Variants in SLC32A1 observed in about 807,000 individuals in gnomAD.
SLC32A1 encodes solute carrier family 32 member 1.
A neutral mutation model predicts 35.5 loss-of-function variants in SLC32A1; 8 were observed. That is an observed-to-expected ratio of 0.23 (90% CI 0.13 to 0.41). SLC32A1 has a LOEUF of 0.41. Among genes scored for constraint, SLC32A1 ranks in the 10% least tolerant of loss-of-function variants. The pLI, the probability that SLC32A1 is intolerant of heterozygous loss-of-function variation, is 1.00. For missense variants in SLC32A1, 493 were observed against 722.3 expected, an observed-to-expected ratio of 0.68 and a Z score of 3.64; for synonymous variants, 317 against 326.3, an observed-to-expected ratio of 0.97 and a Z score of 0.31.
chr20:38,725,677 A>G (rs180792415), intron 1 of SLC32A1, among the ~76,000 whole-genome samples: 9 of 152,170 alleles, frequency 5.9e-5, no homozygotes, highest in African/African-American at 1.7e-4. Context: ...ACTATCCCCA[A>G]ATGCACCTGC....
In SLC32A1 at chr20:38,725,060, C is replaced by A. The variant is rs772178528; in HGVS notation, c.336C>A (p.Asp112Glu). Residue 112 changes from aspartate to glutamate, a missense_variant, in exon 1 of 2, where the codon GAC becomes GAA. Transcript: ENST00000217420. ...VGGGGEFGGH[D>E]KPKITAWEAG... ...GTGGTGGCGAATTCGGGGGCCACGACAAGCCCAAAATCACGGCGTGGGAGG... is the reference window on the plus strand; with the variant it reads ...GTGGTGGCGAATTCGGGGGCCACGAAAAGCCCAAAATCACGGCGTGGGAGG... 1 of 1,524,404 alleles carries A rather than the reference C, an allele frequency of 6.6e-7. No individual in the cohort carries two copies. The highest frequency in any genetic ancestry group is 2.2e-5 in the Admixed American group (1 of 46,144). 94.4% of individuals were successfully genotyped at this position (1,524,404 alleles called of 1,614,324 possible).
rs2084277923 is a variant in SLC32A1, at chr20:38,726,814, T to C, written c.391-638T>C. ...AAGCGTCTTCACATTGTCTCTGTTC[T>C]TGCCTCCCAGGGGCTTTGCCCCACC... On this transcript the variant is annotated intron_variant, in intron 1 of 1. Coordinates refer to ENST00000217420, the MANE Select transcript of SLC32A1 (RefSeq NM_080552.3). The surrounding 1 kb of genome is among the most constrained non-coding windows in gnomAD (Gnocchi z 4.7). Among the ~76,000 whole-genome samples, 1 of 152,036 alleles carries C rather than the reference T, an allele frequency of 6.6e-6. No individual in the cohort carries two copies. The highest frequency in any genetic ancestry group is 2.1e-4 in the South Asian group (1 of 4,810).
rs747176135 is a variant in SLC32A1 at position 38,727,855 on chromosome 20, A to G, written c.794A>G (p.Lys265Arg). ...AFLKNLKAVS[K>R]FSLLCTLAHF... is the part of the protein sequence containing the mutation. ...CTTAAGAACCTCAAGGCCGTGTCCA[A>G]GTTCAGTCTGCTGTGCACTCTGGCC... Residue 265 changes from lysine (K) to arginine (R), a missense_variant, in exon 2 of 2, where the codon AAG (lysine) becomes AGG (arginine). Physicochemically the swap from Lys to Arg is conservative, Grantham distance 26. Around this residue, in one of 4 missense-constraint regions of SLC32A1, gnomAD observed 269 missense variants for 445.6 expected, o/e 0.60. Coordinates refer to ENST00000217420, the MANE Select transcript of SLC32A1 (RefSeq NM_080552.3). 10 of 1,614,200 alleles carry G rather than the reference A, an allele frequency of 6.2e-6. No individual in the cohort carries two copies. The highest frequency in any genetic ancestry group is 6.8e-6 in the Non-Finnish European group (8 of 1,180,044).
In SLC32A1 at chr20:38,725,069, A is replaced by G. The variant is rs1207232871; in HGVS notation, c.345A>G (p.Lys115=). The G allele has an allele frequency of 6.6e-7, 1 of 1,519,192 alleles. No homozygotes were observed. The highest frequency in any genetic ancestry group is 8.8e-7 in the Non-Finnish European group (1 of 1,135,178). 94.1% of individuals were successfully genotyped at this position (1,519,192 alleles called of 1,614,324 possible). A position where few individuals can be genotyped will look rare whatever the true frequency, so the allele number is the denominator to read the frequency against. ...AATTCGGGGGCCACGACAAGCCCAAAATCACGGCGTGGGAGGCAGGCTGGA... is the reference window on the plus strand; with the variant it reads ...AATTCGGGGGCCACGACAAGCCCAAGATCACGGCGTGGGAGGCAGGCTGGA... The part of the protein sequence containing the change: ...GGEFGGHDKP[K]ITAWEAGWNV... The change falls in exon 1 of 2, where the codon AAA becomes AAG. Residue 115 remains lysine, a synonymous_variant. Transcript: ENST00000217420.
At chr20:38,727,239 C>T (rs1601182196) in intron 1 of SLC32A1, among the ~76,000 whole-genome samples, 2 of 152,200 alleles carry the variant, frequency 1.3e-5, no homozygotes, top group Admixed American at 6.5e-5. Flanking sequence ...ATCCCTCCCT[C>T]TCCATCTCTG....
rs768121561 is a variant in SLC32A1 at position 38,727,530 on chromosome 20, G to A, written c.469G>A (p.Val157Ile). 3.1e-6 allele frequency: 5 copies of A among 1,609,144 alleles called. No individual in the cohort carries two copies. In the East Asian group the frequency reaches 8.9e-5, roughly 29 times the overall value. Residue 157 changes from valine to isoleucine, a missense_variant, in exon 2 of 2, where the codon GTT becomes ATT. Coordinates refer to ENST00000217420, the MANE Select transcript of SLC32A1 (RefSeq NM_080552.3). ...LGLFLIIFAA[V>I]VCCYTGKILI... ...GTTGTTTCTCATCATCTTCGCCGCC[G>A]TTGTGTGCTGCTACACCGGCAAGAT...
At chr20:38,727,345 T>A (rs1289649381) in intron 1 of SLC32A1, 107 bp from the exon 2 acceptor site, 2 of 1,070,244 alleles carry the variant, frequency 1.9e-6, no homozygotes, top group Non-Finnish European at 2.7e-6. Context: ...ATTCTCAGTG[T>A]CCTTAGCGCC....
At position 38,728,974 on chromosome 20, in the gene SLC32A1, G is replaced by T; in HGVS notation, c.*335G>T. The T allele has an allele frequency of 3.5e-6, 1 of 289,340 alleles. No homozygotes were observed. The highest frequency in any genetic ancestry group is 6.5e-6 in the Non-Finnish European group (1 of 154,560). 17.9% of individuals were successfully genotyped at this position (289,340 alleles called of 1,614,324 possible). A position where few individuals can be genotyped will look rare whatever the true frequency, so the allele number is the denominator to read the frequency against. ...AGGGGGTTGGGAAGGGAGGGAGAGG[G>T]GGCGCAGCTCGCAGGCGTGGCAACT... On this transcript the variant is annotated 3_prime_UTR_variant, in exon 2 of 2. Transcript: ENST00000217420.
rs1161925841 is a variant in SLC32A1 at position 38,728,022 on chromosome 20, A to G, written c.961A>G (p.Ile321Val). The G allele has an allele frequency of 6.2e-7, 1 of 1,613,932 alleles. No individual in the cohort carries two copies. Among genetic ancestry groups the G allele is most frequent in the Non-Finnish European group, 8.5e-7 (1 of 1,180,054 alleles). Residue 321 changes from isoleucine (I) to valine (V), a missense_variant, in exon 2 of 2, where the codon ATC becomes GTC. Around this residue, in one of 4 missense-constraint regions of SLC32A1, gnomAD observed 269 missense variants for 445.6 expected, o/e 0.60. Transcript: ENST00000217420. ...CATCGTGTTCAGCTACACGTCTCAG[A>G]TCTTCCTGCCTTCGCTGGAGGGCAA... The part of the protein sequence containing the change: ...GIIVFSYTSQ[I>V]FLPSLEGNMQ...
Position 38,724,902 on chromosome 20 carries a change from A to T in SLC32A1, c.178A>T (p.Met60Leu). ...CTTTGAGCACCGCCAGGGCCTGCAG[A>T]TGGACATCCTGAAAGCCGAGGGAGA... ...LDFEHRQGLQMDILKAEGEPC... is the reference protein window; with the variant it reads ...LDFEHRQGLQLDILKAEGEPC... Residue 60 changes from methionine (M) to leucine (L), a missense_variant, in exon 1 of 2, where the codon ATG (methionine) becomes TTG (leucine). By Grantham distance (15) the Met-to-Leu change is conservative. Around this residue, in one of 4 missense-constraint regions of SLC32A1, gnomAD observed 133 missense variants for 145.9 expected, o/e 0.91. Coordinates refer to ENST00000217420, the MANE Select transcript of SLC32A1 (RefSeq NM_080552.3). 1 of 1,613,938 alleles carries T rather than the reference A, an allele frequency of 6.2e-7. No individual in the cohort carries two copies. The highest frequency in any genetic ancestry group is 1.1e-5 in the South Asian group (1 of 91,082).
At position 38,728,036 on chromosome 20, in the gene SLC32A1, G is replaced by T. The variant is rs748541808; in HGVS notation, c.975G>T (p.Ser325=). ...FSYTSQIFLP[S]LEGNMQQPSE... is the part of the protein sequence containing the mutation. ...ACACGTCTCAGATCTTCCTGCCTTCGCTGGAGGGCAATATGCAGCAGCCCA... is the reference window on the plus strand; with the variant it reads ...ACACGTCTCAGATCTTCCTGCCTTCTCTGGAGGGCAATATGCAGCAGCCCA... The change falls in exon 2 of 2, where the codon TCG becomes TCT. Residue 325 remains serine (S), a synonymous_variant. Coordinates refer to ENST00000217420, the MANE Select transcript of SLC32A1 (RefSeq NM_080552.3). 6.2e-7 allele frequency: 1 copy of T among 1,613,988 alleles called. No individual in the cohort carries two copies.
In SLC32A1 at chr20:38,724,995, G is replaced by C; in HGVS notation, c.271G>C (p.Ala91Pro). The C allele has an allele frequency of 1.3e-6, 2 of 1,584,086 alleles. No homozygotes were observed. Among genetic ancestry groups the C allele is most frequent in the Non-Finnish European group, 1.7e-6 (2 of 1,164,670 alleles). ...CATCCATTATCAGCGAGGCAGCGGA[G>C]CTCCTCTGCCGCCCTCCGGCTCCAA... ...GDIHYQRGSG[A>P]PLPPSGSKDQ... is the part of the protein sequence containing the mutation. Residue 91 changes from alanine (A) to proline (P), a missense_variant, in exon 1 of 2, where the codon GCT becomes CCT. This residue lies in a region of SLC32A1 where 133 missense variants were observed against 145.9 expected (regional missense o/e 0.91). Coordinates refer to ENST00000217420, the MANE Select transcript of SLC32A1 (RefSeq NM_080552.3).
Position 38,728,307 on chromosome 20 carries a change from G to C in SLC32A1, c.1246G>C (p.Ala416Pro), listed in dbSNP as rs142909531. The stretch of plus-strand genomic sequence containing the variant: ...GTCGCTCTTCCAGGAAGGCAGCCGC[G>C]CCTTTTTCCCGGCCTGCTACAGCGG... ...EKSLFQEGSR[A>P]FFPACYSGDG... Residue 416 changes from alanine to proline, a missense_variant, in exon 2 of 2, where the codon GCC becomes CCC. By Grantham distance (27) the Ala-to-Pro change is conservative (BLOSUM62 -1). Transcript: ENST00000217420. 1 of 1,613,530 alleles carries C rather than the reference G, an allele frequency of 6.2e-7. No homozygotes were observed. Among genetic ancestry groups the C allele is most frequent in the Non-Finnish European group, 8.5e-7 (1 of 1,179,824 alleles).
chr20:38,726,523 G>A lies in SLC32A1; in HGVS notation c.391-929G>A, dbSNP rs1377047726. Among the ~76,000 whole-genome samples the A allele has an allele frequency of 1.3e-5, 2 of 152,158 alleles. No homozygotes were observed. The highest frequency in any genetic ancestry group is 2.9e-5 in the Non-Finnish European group (2 of 68,016). On this transcript the variant is annotated intron_variant, in intron 1 of 1. Transcript: ENST00000217420. This position sits in a 1 kb window ranked among gnomAD's most constrained non-coding sequence, Gnocchi z 4.7. The stretch of plus-strand genomic sequence containing the variant: ...AGGCTCGTAGGCCTCCGGGACCCTG[G>A]ATTTCGTTAGCTCTTAGTCCCCGTG...
rs147933127 is a variant in SLC32A1, at chr20:38,725,571, T to C, written c.390+457T>C. On this transcript the variant is annotated intron_variant, in intron 1 of 1. Coordinates refer to ENST00000217420, the MANE Select transcript of SLC32A1 (RefSeq NM_080552.3). ...ACACACGCATAGACACGCACACGTA[T>C]ATAGGCAGGCACACCACATGCCCAC... Among the ~76,000 whole-genome samples, 1,371 of 152,084 alleles carry C rather than the reference T, an allele frequency of 9.0e-3. 19 individuals are homozygous for C. The highest frequency in any genetic ancestry group is 0.031 in the African/African-American group (1,283 of 41,446).
In SLC32A1 at chr20:38,728,438, C is replaced by T; in HGVS notation, c.1377C>T (p.Leu459=). ...YVPHFALLMG[L]TGSLTGAGLC... ...CGCACTTCGCGCTGCTCATGGGCCT[C>T]ACCGGCAGCCTCACGGGCGCCGGCC... Residue 459 remains leucine, a synonymous_variant, in exon 2 of 2, where the codon CTC becomes CTT. Coordinates refer to ENST00000217420, the MANE Select transcript of SLC32A1 (RefSeq NM_080552.3). 1.2e-6 allele frequency: 2 copies of T among 1,612,026 alleles called. No homozygotes were observed. Among genetic ancestry groups the T allele is most frequent in the Non-Finnish European group, 8.5e-7 (1 of 1,179,678 alleles).
chr20:38,727,531 T>C lies in SLC32A1; in HGVS notation c.470T>C (p.Val157Ala). The C allele has an allele frequency of 1.9e-6, 3 of 1,609,416 alleles. No individual in the cohort carries two copies. The highest frequency in any genetic ancestry group is 2.5e-6 in the Non-Finnish European group (3 of 1,180,014). ...TTGTTTCTCATCATCTTCGCCGCCG[T>C]TGTGTGCTGCTACACCGGCAAGATC... ...LGLFLIIFAA[V>A]VCCYTGKILI... Residue 157 changes from valine to alanine, a missense_variant, in exon 2 of 2, where the codon GTT becomes GCT. This residue lies in a region of SLC32A1 where 45 missense variants were observed against 91.1 expected (regional missense o/e 0.49). Coordinates refer to ENST00000217420, the MANE Select transcript of SLC32A1 (RefSeq NM_080552.3).
rs190471564 is a variant in SLC32A1, at chr20:38,726,688, T to A, written c.391-764T>A. Among the ~76,000 whole-genome samples the A allele has an allele frequency of 1.3e-5, 2 of 152,162 alleles. No homozygotes were observed. Among genetic ancestry groups the A allele is most frequent in the East Asian group, 3.9e-4 (2 of 5,162 alleles). On this transcript the variant is annotated intron_variant, in intron 1 of 1. Coordinates refer to ENST00000217420, the MANE Select transcript of SLC32A1 (RefSeq NM_080552.3). The surrounding 1 kb of genome is among the most constrained non-coding windows in gnomAD (Gnocchi z 4.7). Reference sequence around the variant, plus strand: ...GCTTGCCTCCCCAGCCTCCACTTAGTCCCCTTCCTTAGGTCTCGCCCTCGC... The same window carrying A: ...GCTTGCCTCCCCAGCCTCCACTTAGACCCCTTCCTTAGGTCTCGCCCTCGC...
chr20:38,725,248 C>G, intron 1 of SLC32A1, 134 bp downstream of exon 1: 1 of 1,141,576 alleles, frequency 8.8e-7, no homozygotes, highest in South Asian at 2.3e-5. Flanking sequence ...CTTTCTCCAT[C>G]CCTCCCAGCC....
Sources: gnomAD v4.1 joint callset for allele counts (sites outside exome capture counted in the v4.1 genomes callset) on GRCh38, gnomAD v4.1.1 for gene constraint, gnomAD v4.1.1 regional missense constraint, Gnocchi (gnomAD v3.1) non-coding constraint, MANE v1.5 for transcripts, NCBI Gene and HGNC (gene_info 2026-07-23, HGNC 2026-07-21) for gene names.